Variants in ANTXR1 observed in about 807,000 individuals in gnomAD.
ANTXR1 encodes anthrax toxin receptor 1.
Under a neutral mutation model 78.1 loss-of-function variants are expected in ANTXR1, and 19 were observed. The ratio of observed to expected loss-of-function variants is 0.24; its 90% CI spans 0.17 to 0.36. The LOEUF is 0.36. ANTXR1 is among the 10% of genes least tolerant of loss of function. ANTXR1 has a pLI of 1.00. For missense variants in ANTXR1, 518 were observed against 718.6 expected, an observed-to-expected ratio of 0.72 and a Z score of 3.19; for synonymous variants, 273 against 260.5, an observed-to-expected ratio of 1.05 and a Z score of -0.46.
Position 69,126,943 on chromosome 2 carries a change from C to T in ANTXR1, c.951+2300C>T, listed in dbSNP as rs375828785. On this transcript the variant is annotated intron_variant, in intron 12 of 17. Coordinates refer to ENST00000303714, the MANE Select transcript of ANTXR1 (RefSeq NM_032208.3). Reference sequence around the variant, plus strand: ...CATTTTCATGTGAGAATGCTGTATTCGTTTACAACAAAATTATAACCACTC... The same window carrying T: ...CATTTTCATGTGAGAATGCTGTATTTGTTTACAACAAAATTATAACCACTC... Among the ~76,000 whole-genome samples the T allele has an allele frequency of 5.9e-5, 9 of 152,260 alleles. 1 individual carries two copies. The South Asian group carries it at 1.5e-3, about 25-fold the overall frequency.
chr2:69,147,113 G>A (rs960256457), intron 12 of ANTXR1, among the ~76,000 whole-genome samples: 1 of 152,244 alleles, frequency 6.6e-6, no homozygotes, highest in Non-Finnish European at 1.5e-5. Context: ...GCAGAGCGGA[G>A]CCAGGCTCTA....
chr2:69,128,442 C>A (rs1031762952), intron 12 of ANTXR1, among the ~76,000 whole-genome samples: 1 of 152,146 alleles, frequency 6.6e-6, no homozygotes, highest in South Asian at 2.1e-4. Context: ...ATTTGAGATT[C>A]TTCCTAGAGA....
intron 17 of ANTXR1, among the ~76,000 whole-genome samples, chr2:69,201,056 T>C (rs1420746594): frequency 6.6e-6 from 1 of 152,184 alleles, no homozygotes; most frequent in African/African-American, 2.4e-5. Flanking sequence ...GAGCACTGTA[T>C]TAGTGCTTGA....
chr2:69,022,359 T>C (rs1671216405), intron 1 of ANTXR1, among the ~76,000 whole-genome samples: 2 of 152,244 alleles, frequency 1.3e-5, no homozygotes, highest in Admixed American at 6.5e-5. Context: ...TAAATACCAT[T>C]AGCCTTTCTG....
At chr2:69,227,430 A>G (rs1675484199) in intron 17 of ANTXR1, among the ~76,000 whole-genome samples, 2 of 152,128 alleles carry the variant, frequency 1.3e-5, no homozygotes, top group Non-Finnish European at 2.9e-5. Context: ...GAAGATCACC[A>G]CAAGAGCCTA....
At chr2:69,226,310 C>A (rs1256862607) in intron 17 of ANTXR1, among the ~76,000 whole-genome samples, 1 of 152,168 alleles carries the variant, frequency 6.6e-6, no homozygotes, top group Admixed American at 6.5e-5. Context: ...TCTCTGTGAG[C>A]AGCCCCTGGG....
At chr2:69,156,047 TC>T (rs1673515595) in intron 13 of ANTXR1, among the ~76,000 whole-genome samples, 1 of 151,974 alleles carries the variant, frequency 6.6e-6, no homozygotes, top group African/African-American at 2.4e-5. Context: ...CCCCTCCCGC[TC>T]CCAAGATATC....
chr2:69,148,594 G>A (rs1457774979), intron 12 of ANTXR1, among the ~76,000 whole-genome samples: 1 of 152,210 alleles, frequency 6.6e-6, no homozygotes, highest in Non-Finnish European at 1.5e-5. Flanking sequence ...TTGTTAATGA[G>A]AATTAAATGA....
chr2:69,145,286 A>G lies in ANTXR1; in HGVS notation c.952-6883A>G, dbSNP rs570713995. ...TTCTAAGGCCAGGGGAGTAGCCCTT[A>G]TAATTTTGCATTTGTATTTTTATGT... On this transcript the variant is annotated intron_variant, in intron 12 of 17. Transcript: ENST00000303714. The G allele has an allele frequency of 3.0e-5, 47 of 1,554,218 alleles. 2 individuals carry two copies. The South Asian group carries it at 5.3e-4, about 18-fold the overall frequency.
At chr2:69,047,459 T>G (rs192185098) in intron 3 of ANTXR1, among the ~76,000 whole-genome samples, 230 of 152,324 alleles carry the variant, frequency 1.5e-3, no homozygotes, top group Non-Finnish European at 2.9e-3. Context: ...GAATCATTGT[T>G]ATATATGGAA....
chr2:69,221,512 C>G (rs1457264124), intron 17 of ANTXR1, among the ~76,000 whole-genome samples: 1 of 151,924 alleles, frequency 6.6e-6, no homozygotes, highest in East Asian at 1.9e-4. Context: ...ACCCAGAGAC[C>G]ATTTAGGAGG....
chr2:69,118,576 C>A (rs1672230319), intron 10 of ANTXR1, among the ~76,000 whole-genome samples: 1 of 152,216 alleles, frequency 6.6e-6, no homozygotes, highest in Non-Finnish European at 1.5e-5. Context: ...ATTTTCCCTG[C>A]CCACCCGGTG....
chr2:69,053,239 G>T (rs897936314), intron 3 of ANTXR1, among the ~76,000 whole-genome samples: 1 of 152,122 alleles, frequency 6.6e-6, no homozygotes, highest in Non-Finnish European at 1.5e-5. Flanking sequence ...GATCATGCAA[G>T]ATCCTTGTTG....
rs568257835 is a variant in ANTXR1 at position 69,211,797 on chromosome 2, A to G, written c.1434+18382A>G. ...AAGGGCTTCCCCTAGTGCCCTCCAC[A>G]GTCAGACGCTGCCTGCTTCTCAGGA... On this transcript the variant is annotated intron_variant, in intron 17 of 17. Coordinates refer to ENST00000303714, the MANE Select transcript of ANTXR1 (RefSeq NM_032208.3). Among the ~76,000 whole-genome samples the G allele has an allele frequency of 1.2e-3, 187 of 152,366 alleles. 1 individual carries two copies. Among genetic ancestry groups the G allele is most frequent in the African/African-American group, 4.0e-3 (168 of 41,582 alleles).
chr2:69,058,980 C>T (rs147250700), intron 3 of ANTXR1, among the ~76,000 whole-genome samples: 82 of 152,296 alleles, frequency 5.4e-4, no homozygotes, highest in Non-Finnish European at 8.5e-4. Context: ...GAATTTGAAG[C>T]GGAGCCTGAA....
chr2:69,218,049 G>C (rs1397327884), intron 17 of ANTXR1, among the ~76,000 whole-genome samples: 1 of 152,136 alleles, frequency 6.6e-6, no homozygotes, highest in Non-Finnish European at 1.5e-5. Context: ...TGAGGACAAA[G>C]GATTCCTATC....
At chr2:69,091,599 C>A (rs1385800011) in intron 9 of ANTXR1, among the ~76,000 whole-genome samples, 1 of 152,094 alleles carries the variant, frequency 6.6e-6, no homozygotes, top group African/African-American at 2.4e-5. Context: ...TTTCATGAGG[C>A]CCTGCAGATA....
intron 2 of ANTXR1, among the ~76,000 whole-genome samples, chr2:69,041,214 T>C (rs1341386352): frequency 6.6e-6 from 1 of 152,168 alleles, no homozygotes; most frequent in Non-Finnish European, 1.5e-5. Flanking sequence ...GAAAGGATCA[T>C]AGAAACTAGG....
intron 1 of ANTXR1, among the ~76,000 whole-genome samples, chr2:69,036,510 C>G (rs1016627268): frequency 6.6e-6 from 1 of 152,164 alleles, no homozygotes; most frequent in Non-Finnish European, 1.5e-5. Context: ...TAACCATCTT[C>G]CCAGTATAAA....
Sources: allele counts gnomAD v4.1 joint callset (sites outside exome capture counted in the v4.1 genomes callset), GRCh38; gene constraint gnomAD v4.1.1; transcripts MANE v1.5; gene names NCBI Gene and HGNC (gene_info 2026-07-23, HGNC 2026-07-21).